GPHN: variants seen among roughly 807,000 people sequenced by gnomAD.
The protein encoded by GPHN is gephyrin.
A neutral mutation model predicts 95.5 loss-of-function variants in GPHN; 17 were observed. The observed-to-expected ratio is 0.18, with a 90% CI of 0.12 to 0.27. The LOEUF is 0.27. Among genes scored for constraint, GPHN ranks in the 10% least tolerant of loss-of-function variants. The pLI is 1.00. For synonymous variants in GPHN, 320 were observed against 322.5 expected, an observed-to-expected ratio of 0.99 and a Z score of 0.08; for missense variants, 660 against 978.1, an observed-to-expected ratio of 0.67 and a Z score of 4.34.
the GPHN span, chr14:67,588,267 T>G: frequency 6.6e-6 from 1 of 152,598 alleles, no homozygotes; most frequent in African/African-American, 2.4e-5. Context: ...TTCACTGTAG[T>G]GGGCCATCAT....
the GPHN span, among the ~76,000 whole-genome samples, chr14:67,401,890 G>A: frequency 4.6e-5 from 7 of 152,270 alleles, no homozygotes; most frequent in Non-Finnish European, 8.8e-5. Context: ...TTGGGAGGCC[G>A]AGGTGGGCGG....
At chr14:66,868,800 G>C (rs1481716143) in intron 4 of GPHN, among the ~76,000 whole-genome samples, 1 of 151,996 alleles carries the variant, frequency 6.6e-6, no homozygotes, top group Non-Finnish European at 1.5e-5. Flanking sequence ...CAAGATACCT[G>C]AATTACTGAA....
At chr14:67,184,214 TTA>T (rs1245513013), downstream of GPHN, among the ~76,000 whole-genome samples, 1 of 152,168 alleles carries the variant, frequency 6.6e-6, no homozygotes, top group African/African-American at 2.4e-5. Flanking sequence ...CCAAAAGTTA[TTA>T]AAGTTATTAA....
At chr14:66,723,915 T>C (rs2070983531) in intron 2 of GPHN, among the ~76,000 whole-genome samples, 1 of 151,722 alleles carries the variant, frequency 6.6e-6, no homozygotes, top group Non-Finnish European at 1.5e-5. Flanking sequence ...TTACATCAAT[T>C]AAATGGAGCC....
chr14:67,625,248 G>A, the GPHN span, among the ~76,000 whole-genome samples: 1 of 152,050 alleles, frequency 6.6e-6, no homozygotes, highest in Admixed American at 6.6e-5. Context: ...CCATATAACT[G>A]TTAGAGAACA....
At chr14:67,092,494 C>G (rs1018500092) in intron 12 of GPHN, among the ~76,000 whole-genome samples, 9 of 152,068 alleles carry the variant, frequency 5.9e-5, no homozygotes, top group Non-Finnish European at 4.4e-5. Context: ...TGCTAACCCT[C>G]TAGGTGTAAA....
chr14:67,579,640 C>G, the GPHN span: 8 of 1,385,322 alleles, frequency 5.8e-6, no homozygotes, highest in Non-Finnish European at 7.9e-6. Flanking sequence ...TTTCCACCTG[C>G]TGTATCCAGA....
intron 3 of GPHN, among the ~76,000 whole-genome samples, chr14:66,793,137 T>C (rs2060034605): frequency 6.6e-6 from 1 of 152,264 alleles, no homozygotes; most frequent in African/African-American, 2.4e-5. Flanking sequence ...AGAGATTTTG[T>C]TTATGGCCAG....
intron 8 of GPHN, among the ~76,000 whole-genome samples, chr14:66,924,694 A>G (rs537018615): frequency 6.6e-6 from 1 of 152,276 alleles, no homozygotes; most frequent in Non-Finnish European, 1.5e-5. Context: ...GTTGATTTGT[A>G]TTAACCTTCC....
At chr14:67,050,086 A>G (rs74627382) in intron 10 of GPHN, among the ~76,000 whole-genome samples, 1,835 of 152,322 alleles carry the variant, frequency 0.012, 19 homozygotes, top group Non-Finnish European at 0.018. Flanking sequence ...TATCAATCCA[A>G]TAGCACCACA....
chr14:66,625,594 T>C (rs746834038), intron 1 of GPHN, among the ~76,000 whole-genome samples: 1 of 152,190 alleles, frequency 6.6e-6, no homozygotes, highest in Non-Finnish European at 1.5e-5. Flanking sequence ...ATACAGTTTA[T>C]GTTTCATTTA....
the GPHN span, among the ~76,000 whole-genome samples, chr14:67,564,539 CCT>C: frequency 6.6e-6 from 1 of 152,070 alleles, no homozygotes; most frequent in Non-Finnish European, 1.5e-5. Context: ...CTCACTGCAA[CCT>C]CTGCCTCCTG....
At chr14:67,416,971 C>T in the GPHN span, among the ~76,000 whole-genome samples, 1 of 152,218 alleles carries the variant, frequency 6.6e-6, no homozygotes, top group Non-Finnish European at 1.5e-5. Context: ...GAGACTTCTA[C>T]GTCACCCAAA....
the GPHN span, among the ~76,000 whole-genome samples, chr14:67,273,968 T>G: frequency 1.3e-5 from 2 of 152,178 alleles, no homozygotes; most frequent in African/African-American, 4.8e-5. Context: ...TTGATGGGGT[T>G]GTTTGATTTT....
At position 67,124,289 on chromosome 14, in the gene GPHN, C is replaced by T. The variant is rs377757619; in HGVS notation, c.1748+1912C>T. ...GGGGTAGTGGTGCGCACCTGTAATC[C>T]CAGCTACTCGGGAGGCTAACACAGG... On this transcript the variant is annotated intron_variant, in intron 17 of 22. Transcript: ENST00000478722. Among the ~76,000 whole-genome samples, 7 of 152,132 alleles carry T rather than the reference C, an allele frequency of 4.6e-5. No homozygotes were observed. In the South Asian group the frequency reaches 1.5e-3, roughly 32 times the overall value.
the GPHN span, among the ~76,000 whole-genome samples, chr14:67,192,803 T>C: frequency 6.8e-6 from 1 of 147,726 alleles, no homozygotes; most frequent in African/African-American, 2.5e-5. Context: ...TGTGTATATA[T>C]AGATATAGAT....
Position 66,592,443 on chromosome 14 carries a change from A to T in GPHN, c.64+83852A>T, listed in dbSNP as rs2061728728. Among the ~76,000 whole-genome samples, 3 of 142,440 alleles carry T rather than the reference A, an allele frequency of 2.1e-5. No homozygotes were observed. The South Asian group carries it at 6.7e-4, about 32-fold the overall frequency. 93.4% of individuals were successfully genotyped at this position (142,440 alleles called of 152,430 possible). On this transcript the variant is annotated intron_variant, in intron 1 of 22. Coordinates refer to ENST00000478722, the MANE Select transcript of GPHN (RefSeq NM_020806.5). Reference sequence around the variant, plus strand: ...AATATCCAGAATCTAGAAGAAACTTAAACAAATATACAAGAAAAAAAAAAA... The same window carrying T: ...AATATCCAGAATCTAGAAGAAACTTTAACAAATATACAAGAAAAAAAAAAA...
the GPHN span, among the ~76,000 whole-genome samples, chr14:67,373,780 C>T: frequency 2.0e-5 from 3 of 151,934 alleles, no homozygotes; most frequent in Non-Finnish European, 4.4e-5. Flanking sequence ...GATGTTTAAG[C>T]ACCTAACATA....
At chr14:67,489,079 T>C in the GPHN span, among the ~76,000 whole-genome samples, 6 of 152,184 alleles carry the variant, frequency 3.9e-5, no homozygotes, top group African/African-American at 7.2e-5. Flanking sequence ...CAGAGTTTCT[T>C]GGAACATATG....
Sources: allele counts gnomAD v4.1 joint callset (sites outside exome capture counted in the v4.1 genomes callset), GRCh38; gene constraint gnomAD v4.1.1; transcripts MANE v1.5; gene names NCBI Gene and HGNC (gene_info 2026-07-23, HGNC 2026-07-21).